CORO2B: variants seen among roughly 807,000 people sequenced by gnomAD.
CORO2B encodes coronin-2B.
Under a neutral mutation model 58.8 loss-of-function variants are expected in CORO2B, and 26 were observed. That is an observed-to-expected ratio of 0.44 (90% CI 0.32 to 0.61). The LOEUF (loss-of-function observed/expected upper bound fraction) is 0.61. Ranked by LOEUF, CORO2B falls within the 20% of genes least tolerant of loss-of-function variation. The pLI is 0.04. For synonymous variants in CORO2B, 242 were observed against 253.8 expected (o/e 0.95, Z 0.44); for missense variants, 460 against 645.1 (o/e 0.71, Z 3.11).
the CORO2B span, among the ~76,000 whole-genome samples, chr15:68,541,012 T>A: frequency 1.9e-3 from 282 of 152,286 alleles, 1 homozygote; most frequent in Middle Eastern, 6.8e-3. Flanking sequence ...GGCAAATAGT[T>A]TGAGCTCAGC....
chr15:68,725,471 T>C (rs1893272842), intron 11 of CORO2B, among the ~76,000 whole-genome samples: 1 of 152,048 alleles, frequency 6.6e-6, no homozygotes. Flanking sequence ...TTATTATGTA[T>C]TATTATAGAT....
intron 1 of CORO2B, among the ~76,000 whole-genome samples, chr15:68,603,773 G>T (rs1162576741): frequency 6.6e-6 from 1 of 152,198 alleles, no homozygotes; most frequent in Non-Finnish European, 1.5e-5. Context: ...GGACCTTGAT[G>T]TTGGACTTAC....
the CORO2B span, among the ~76,000 whole-genome samples, chr15:68,558,796 T>G: frequency 6.6e-6 from 1 of 152,078 alleles, no homozygotes; most frequent in Non-Finnish European, 1.5e-5. Flanking sequence ...AGGAGCCAGG[T>G]GGATCTCAGG....
chr15:68,708,943 A>T (rs572542231), intron 3 of CORO2B, among the ~76,000 whole-genome samples: 6 of 152,296 alleles, frequency 3.9e-5, no homozygotes, highest in African/African-American at 1.4e-4. Flanking sequence ...GGCTTCCCAA[A>T]ATGCTAGGAT....
chr15:68,567,849 G>A, the CORO2B span, among the ~76,000 whole-genome samples: 53 of 152,146 alleles, frequency 3.5e-4, no homozygotes, highest in African/African-American at 1.2e-3. Context: ...GTGAAACCCC[G>A]TCTCTACTAA....
chr15:68,576,871 C>T (rs1157819637), upstream of CORO2B, among the ~76,000 whole-genome samples: 4 of 152,096 alleles, frequency 2.6e-5, no homozygotes, highest in Non-Finnish European at 5.9e-5. Flanking sequence ...CCCAGGGGTA[C>T]ACAGTGAGAG....
In CORO2B at chr15:68,579,226, C is replaced by CCGCGCCCG; in HGVS notation, c.-33_-26dup. ...GGGCCGCCGCCGCCGCCCCCGCACG[C>CCGCGCCCG]CGCGCCCGCGCCCCCGCTCCGCCGC... On this transcript the variant is annotated 5_prime_UTR_variant, in exon 1 of 12. Transcript: ENST00000261861. The CCGCGCCCG allele has an allele frequency of 9.1e-7, 1 of 1,097,256 alleles. No homozygotes were observed. Among genetic ancestry groups the CCGCGCCCG allele is most frequent in the Non-Finnish European group, 1.1e-6 (1 of 904,736 alleles). The allele number at this position is 1,097,256 out of a possible 1,614,324, so 68.0% of individuals were successfully genotyped here.
intron 2 of CORO2B, among the ~76,000 whole-genome samples, chr15:68,650,822 C>T (rs969311132): frequency 6.6e-6 from 1 of 152,178 alleles, no homozygotes; most frequent in Admixed American, 6.5e-5. Context: ...GAGGGAGCCC[C>T]TGAAGTTTCA....
intron 2 of CORO2B, among the ~76,000 whole-genome samples, chr15:68,663,778 A>G (rs546498681): frequency 7.2e-5 from 11 of 152,252 alleles, no homozygotes; most frequent in Non-Finnish European, 1.6e-4. Context: ...TGGATATCCA[A>G]ATAGCCAATA....
chr15:68,675,643 A>T (rs1438886182), intron 2 of CORO2B, among the ~76,000 whole-genome samples: 1 of 152,224 alleles, frequency 6.6e-6, no homozygotes, highest in African/African-American at 2.4e-5. Flanking sequence ...CTCAAATAAG[A>T]TGTTTATAGA....
At chr15:68,677,416 A>G (rs1902624988) in intron 2 of CORO2B, among the ~76,000 whole-genome samples, 1 of 152,152 alleles carries the variant, frequency 6.6e-6, no homozygotes, top group African/African-American at 2.4e-5. Flanking sequence ...CAGAGGGTGG[A>G]GCTGAGACCC....
rs373427035 is a variant in CORO2B, at chr15:68,682,169, G to A, written c.217-12971G>A. ...AGGGAGAGTCCTCCAAATCAGGAAG[G>A]GGGCTTGGATGCCCAACTGCCAAAA... is the stretch of plus-strand genomic sequence containing the variant. On this transcript the variant is annotated intron_variant, in intron 2 of 11. Coordinates refer to ENST00000261861, the MANE Select transcript of CORO2B (RefSeq NM_006091.5). Among the ~76,000 whole-genome samples the A allele has an allele frequency of 6.6e-5, 10 of 152,306 alleles. No homozygotes were observed. The East Asian group carries it at 1.9e-3, about 29-fold the overall frequency.
the CORO2B span, among the ~76,000 whole-genome samples, chr15:68,560,703 C>T: frequency 6.6e-6 from 1 of 152,212 alleles, no homozygotes; most frequent in Non-Finnish European, 1.5e-5. Flanking sequence ...CCTCTCTGCT[C>T]CTTGCTGGTC....
At chr15:68,659,252 C>A (rs1175822011) in intron 2 of CORO2B, among the ~76,000 whole-genome samples, 2 of 152,176 alleles carry the variant, frequency 1.3e-5, no homozygotes, top group East Asian at 3.8e-4. Flanking sequence ...GATAAGGGCG[C>A]TGACCCCTGC....
intron 1 of CORO2B, among the ~76,000 whole-genome samples, chr15:68,580,029 C>T (rs1899387483): frequency 6.6e-6 from 1 of 152,216 alleles, no homozygotes; most frequent in Admixed American, 6.5e-5. Flanking sequence ...GTGCCAGGGT[C>T]AAGGGACCAG....
At chr15:68,591,114 G>A (rs947781747) in intron 1 of CORO2B, among the ~76,000 whole-genome samples, 10 of 152,202 alleles carry the variant, frequency 6.6e-5, no homozygotes, top group Admixed American at 5.2e-4. Context: ...ACACATGGCT[G>A]CAGGGATGTT....
Position 68,579,282 on chromosome 15 carries a change from G to A in CORO2B, c.15+5G>A, listed in dbSNP as rs781049320. 3.9e-6 allele frequency: 5 copies of A among 1,286,718 alleles called. No individual in the cohort carries two copies. The South Asian group carries it at 1.1e-4, about 30-fold the overall frequency. 79.7% of individuals were successfully genotyped at this position (1,286,718 alleles called of 1,614,324 possible). Reference sequence around the variant, plus strand: ...TTCTGCATGACTGTCACAAAGGTAAGCGCCGCTCGCCCGCCGCGCCCGGGA... The same window carrying A: ...TTCTGCATGACTGTCACAAAGGTAAACGCCGCTCGCCCGCCGCGCCCGGGA... On this transcript the variant is annotated splice_donor_5th_base_variant and intron_variant, in intron 1 of 11. Transcript: ENST00000261861.
chr15:68,559,515 G>A, the CORO2B span: 1 of 828,812 alleles, frequency 1.2e-6, no homozygotes, highest in Non-Finnish European at 1.5e-6. This position sits in a 1 kb window ranked among gnomAD's most constrained non-coding sequence, Gnocchi z 4.3. Context: ...GCGGGGTGGT[G>A]AGGGGGTAGC....
At chr15:68,694,274 G>A (rs1447412173) in intron 2 of CORO2B, among the ~76,000 whole-genome samples, 1 of 152,178 alleles carries the variant, frequency 6.6e-6, no homozygotes, top group Admixed American at 6.5e-5. Context: ...GTCATATATT[G>A]AGCATTTACT....
Sources: gnomAD v4.1 joint callset for allele counts (sites outside exome capture counted in the v4.1 genomes callset) on GRCh38, gnomAD v4.1.1 for gene constraint, Gnocchi (gnomAD v3.1) non-coding constraint, MANE v1.5 for transcripts, NCBI Gene and HGNC (gene_info 2026-07-23, HGNC 2026-07-21) for gene names.